SETD7: variants seen among roughly 807,000 people sequenced by gnomAD.
SETD7 encodes SET domain containing 7, histone lysine methyltransferase, also known as histone-lysine N-methyltransferase SETD7.
Under a neutral mutation model 41.8 loss-of-function variants are expected in SETD7, and 16 were observed. The ratio of observed to expected loss-of-function variants is 0.38; its 90% CI spans 0.26 to 0.58. SETD7 has a LOEUF of 0.58. Among genes scored for constraint, SETD7 ranks in the 20% least tolerant of loss-of-function variants. The pLI is 0.64. For missense variants in SETD7, 346 were observed against 459.7 expected (o/e 0.75, Z 2.26); for synonymous variants, 163 against 169.7 (o/e 0.96, Z 0.31).
chr4:139,520,245 A>G, intron 6 of SETD7, 32 bp downstream of exon 6: 3 of 1,221,444 alleles, frequency 2.5e-6, no homozygotes, highest in Non-Finnish European at 3.5e-6. Flanking sequence ...TTTAACCAAC[A>G]AAGTTGATTT....
chr4:139,547,601 TCTCA>T (rs1268531943), intron 1 of SETD7, among the ~76,000 whole-genome samples: 4 of 152,230 alleles, frequency 2.6e-5, no homozygotes, highest in African/African-American at 9.6e-5. Flanking sequence ...AGTCTGAAAA[TCTCA>T]CTGTTATTGT....
At position 139,556,193 on chromosome 4, in the gene SETD7, G is replaced by C; in HGVS notation, c.-56C>G. 4.5e-6 allele frequency: 7 copies of C among 1,547,116 alleles called. No homozygotes were observed. The highest frequency in any genetic ancestry group is 6.1e-6 in the Non-Finnish European group (7 of 1,144,768). ...TGCGCGGCTGCCTCCCGTCCCTCTG[G>C]GTGCTCCCGGCGGCTGAGCGAGCTC... is the stretch of plus-strand genomic sequence containing the variant. On this transcript the variant is annotated 5_prime_UTR_variant, in exon 1 of 8. Coordinates refer to ENST00000274031, the MANE Select transcript of SETD7 (RefSeq NM_030648.4).
chr4:139,549,057 CT>C (rs954772959), intron 1 of SETD7, among the ~76,000 whole-genome samples: 1 of 151,774 alleles, frequency 6.6e-6, no homozygotes, highest in East Asian at 1.9e-4. Flanking sequence ...TTGCTAAGAG[CT>C]TTTTTTAGTG....
chr4:139,539,795 TA>T (rs1229164161), intron 2 of SETD7, among the ~76,000 whole-genome samples: 1 of 152,196 alleles, frequency 6.6e-6, no homozygotes, highest in East Asian at 1.9e-4. Flanking sequence ...TGAATGGGAT[TA>T]ATGCCCTTAT....
chr4:139,522,669 T>C (rs532510591), intron 5 of SETD7, among the ~76,000 whole-genome samples: 1 of 151,194 alleles, frequency 6.6e-6, no homozygotes, highest in Non-Finnish European at 1.5e-5. Flanking sequence ...AGGGCCAGCA[T>C]GTGACTGCAG....
chr4:139,544,376 A>G (rs1197706423), intron 2 of SETD7, among the ~76,000 whole-genome samples: 1 of 151,902 alleles, frequency 6.6e-6, no homozygotes, highest in Non-Finnish European at 1.5e-5. Context: ...AAAAAAATCA[A>G]TGAATGTATT....
chr4:139,525,563 C>T (rs1215296968), intron 4 of SETD7, among the ~76,000 whole-genome samples: 1 of 152,108 alleles, frequency 6.6e-6, no homozygotes, highest in Non-Finnish European at 1.5e-5. Flanking sequence ...TAGGGCTGAT[C>T]AGGTGAGAAG....
At position 139,511,315 on chromosome 4, in the gene SETD7, T is replaced by C. The variant is rs1312345022; in HGVS notation, c.*348A>G. The C allele has an allele frequency of 7.0e-6, 2 of 284,194 alleles. No homozygotes were observed. The highest frequency in any genetic ancestry group is 5.7e-5 in the Admixed American group (1 of 17,510). The allele number at this position is 284,194 out of a possible 1,614,324, so 17.6% of individuals were successfully genotyped here. The stretch of plus-strand genomic sequence containing the variant: ...GAAAAAAGCACTATGGAAAAACCAC[T>C]GACTAAAAATGACTGAAAAACCCCG... On this transcript the variant is annotated 3_prime_UTR_variant, in exon 8 of 8. Transcript: ENST00000274031.
At chr4:139,545,699 G>T (rs1294876706) in intron 2 of SETD7, among the ~76,000 whole-genome samples, 1 of 152,078 alleles carries the variant, frequency 6.6e-6, no homozygotes, top group Admixed American at 6.6e-5. Flanking sequence ...TTAAAACAAC[G>T]CACTTTGCCT....
At chr4:139,499,559 C>T (rs770577557) in intron 7 of SETD7, among the ~76,000 whole-genome samples, 30 of 152,144 alleles carry the variant, frequency 2.0e-4, no homozygotes, top group Non-Finnish European at 4.3e-4. Context: ...CAAGACCCCC[C>T]CTCCCAGGAA....
intron 2 of SETD7, among the ~76,000 whole-genome samples, chr4:139,544,289 T>TTTAAAATAAA (rs1727867245): frequency 1.0e-5 from 1 of 99,340 alleles, no homozygotes; most frequent in Non-Finnish European, 2.1e-5. Context: ...TGAGAACCCA[T>TTTAAAATAAA]CTAAAATAAA....
chr4:139,522,585 G>A (rs962006786), intron 5 of SETD7, among the ~76,000 whole-genome samples: 11 of 151,962 alleles, frequency 7.2e-5, no homozygotes, highest in Admixed American at 1.3e-4. Flanking sequence ...GAACACCTCC[G>A]CTGGTCTAAG....
At chr4:139,500,381 G>T (rs539227717) in intron 7 of SETD7, among the ~76,000 whole-genome samples, 1 of 152,264 alleles carries the variant, frequency 6.6e-6, no homozygotes, top group African/African-American at 2.4e-5. Context: ...CCTTTTACAC[G>T]TGGGAGGAAG....
chr4:139,536,747 T>C (rs1324700475), intron 2 of SETD7, among the ~76,000 whole-genome samples: 1 of 151,156 alleles, frequency 6.6e-6, no homozygotes, highest in African/African-American at 2.4e-5. Context: ...CTCATGCCTG[T>C]AATCCCAGCC....
chr4:139,523,669 C>T (rs1727241486), intron 4 of SETD7, among the ~76,000 whole-genome samples: 1 of 152,334 alleles, frequency 6.6e-6, no homozygotes, highest in Non-Finnish European at 1.5e-5. Flanking sequence ...TTCCAATTCA[C>T]TCTTGAATTT....
intron 7 of SETD7, 75 bp from the exon 8 acceptor site, chr4:139,511,918 T>C: frequency 6.5e-7 from 1 of 1,528,066 alleles, no homozygotes; most frequent in Non-Finnish European, 8.7e-7. Flanking sequence ...GAGGGGCTGA[T>C]ACAGGAATCA....
rs756963292 is a variant in SETD7 at position 139,512,913 on chromosome 4, A to G, written c.921-1070T>C. Among the ~76,000 whole-genome samples, 66 of 151,656 alleles carry G rather than the reference A, an allele frequency of 4.4e-4. 1 individual carries two copies. Among genetic ancestry groups the G allele is most frequent in the Non-Finnish European group, 4.4e-4 (30 of 67,902 alleles). The stretch of plus-strand genomic sequence containing the variant: ...GCTGGGATTACAGGTGTGTGCTACC[A>G]TGGCCAGAAGATTTTTTGTATTTTT... On this transcript the variant is annotated intron_variant, in intron 7 of 7. Coordinates refer to ENST00000274031, the MANE Select transcript of SETD7 (RefSeq NM_030648.4).
intron 7 of SETD7, among the ~76,000 whole-genome samples, chr4:139,513,894 T>A (rs925496925): frequency 6.6e-6 from 1 of 152,218 alleles, no homozygotes; most frequent in African/African-American, 2.4e-5. Flanking sequence ...AACACAAAAG[T>A]GAACAGTTAT....
At chr4:139,546,870 A>G in intron 2 of SETD7, 50 bp downstream of exon 2, 1 of 1,612,888 alleles carries the variant, frequency 6.2e-7, no homozygotes, top group East Asian at 2.2e-5. Context: ...AGTCCTTAAC[A>G]TAAAATAATT....
Sources: allele counts gnomAD v4.1 joint callset (sites outside exome capture counted in the v4.1 genomes callset), GRCh38; gene constraint gnomAD v4.1.1; transcripts MANE v1.5; gene names NCBI Gene and HGNC (gene_info 2026-07-23, HGNC 2026-07-21).